Variants in LRP1B observed in about 807,000 individuals in gnomAD.
LRP1B encodes LDL receptor related protein 1B, also known as low-density lipoprotein receptor-related protein 1B.
LRP1B carries 217 observed loss-of-function variants against 556.6 expected under a neutral mutation model. The ratio of observed to expected loss-of-function variants is 0.39; its 90% CI spans 0.35 to 0.44. The LOEUF (loss-of-function observed/expected upper bound fraction) is 0.44, where lower values mean the gene tolerates loss of function less well. LRP1B is among the 20% of genes least tolerant of loss of function. The pLI is 1.00. For synonymous variants in LRP1B, 2,047 were observed against 1,865.8 expected (o/e 1.10, Z -2.50); for missense variants, 5,053 against 5,620.8 (o/e 0.90, Z 3.23).
intron 56 of LRP1B, among the ~76,000 whole-genome samples, chr2:140,493,943 G>A (rs1268280541): frequency 6.6e-6 from 1 of 151,984 alleles, no homozygotes; most frequent in Non-Finnish European, 1.5e-5. Flanking sequence ...ACACAGAATT[G>A]GCTCTCGAGT....
At chr2:140,428,197 G>A (rs1476674589) in intron 66 of LRP1B, among the ~76,000 whole-genome samples, 1 of 152,030 alleles carries the variant, frequency 6.6e-6, no homozygotes, top group African/African-American at 2.4e-5. Context: ...ATTAAATTCT[G>A]GCCCTCAAAC....
chr2:140,999,412 G>C (rs927615453), intron 15 of LRP1B, among the ~76,000 whole-genome samples: 1 of 151,944 alleles, frequency 6.6e-6, no homozygotes, highest in Non-Finnish European at 1.5e-5. Flanking sequence ...ATATTAGAAA[G>C]AGACCAACAG....
chr2:141,913,371 G>A (rs796751766), intron 1 of LRP1B, among the ~76,000 whole-genome samples: 2 of 152,198 alleles, frequency 1.3e-5, no homozygotes, highest in African/African-American at 4.8e-5. Flanking sequence ...TAACATAAAT[G>A]AATGTATGTA....
chr2:140,517,984 C>G (rs763155354), intron 49 of LRP1B, among the ~76,000 whole-genome samples: 20 of 152,200 alleles, frequency 1.3e-4, no homozygotes, highest in Non-Finnish European at 2.2e-4. Context: ...GCTGGGATTA[C>G]AGGTGTGAGC....
intron 60 of LRP1B, among the ~76,000 whole-genome samples, chr2:140,461,179 T>C (rs1687303181): frequency 6.6e-6 from 1 of 152,152 alleles, no homozygotes; most frequent in Non-Finnish European, 1.5e-5. Context: ...TACAATACTC[T>C]TGATTATTCA....
At position 141,492,091 on chromosome 2, in the gene LRP1B, A is replaced by AAAAAAAAAAAAAAC. The variant is rs67960557; in HGVS notation, c.206-11559_206-11558insGTTTTTTTTTTTTT. On this transcript the variant is annotated intron_variant, in intron 2 of 90. Coordinates refer to ENST00000389484, the MANE Select transcript of LRP1B (RefSeq NM_018557.3). ...TATTTAGCTTTCTGAAAAAAAAAAA[A>AAAAAAAAAAAAAAC]CACTAAGAAAACCAACATTTGATGA... 6.9e-3 allele frequency among the ~76,000 whole-genome samples: 688 copies of AAAAAAAAAAAAAAC among 100,128 alleles called. 73 individuals carry two copies. Among genetic ancestry groups the AAAAAAAAAAAAAAC allele is most frequent in the African/African-American group, 0.016 (418 of 25,854 alleles). The allele number at this position is 100,128 out of a possible 152,430, so 65.7% of individuals were successfully genotyped here.
At chr2:141,644,539 A>G (rs1490431023) in intron 2 of LRP1B, among the ~76,000 whole-genome samples, 2 of 152,138 alleles carry the variant, frequency 1.3e-5, no homozygotes, top group Non-Finnish European at 2.9e-5. Context: ...TTTCTTAACA[A>G]CATGACTAGT....
intron 2 of LRP1B, among the ~76,000 whole-genome samples, chr2:141,500,123 C>T (rs1574017395): frequency 1.3e-5 from 2 of 152,186 alleles, no homozygotes; most frequent in Admixed American, 6.6e-5. Flanking sequence ...TTACTGAAGA[C>T]AGTGCATCAC....
intron 41 of LRP1B, among the ~76,000 whole-genome samples, chr2:140,626,134 A>T (rs990623850): frequency 1.9e-4 from 29 of 152,240 alleles, no homozygotes; most frequent in African/African-American, 6.8e-4. Context: ...TAAAGGCTGC[A>T]TACTATTTGA....
At chr2:141,709,355 TAAAAG>T (rs1273294099) in intron 2 of LRP1B, among the ~76,000 whole-genome samples, 2 of 146,252 alleles carry the variant, frequency 1.4e-5, no homozygotes, top group African/African-American at 2.6e-5. Flanking sequence ...TCTCAAAAAA[TAAAAG>T]AAAATAAATA....
At chr2:141,397,856 T>C (rs957295379) in intron 3 of LRP1B, among the ~76,000 whole-genome samples, 2 of 151,114 alleles carry the variant, frequency 1.3e-5, no homozygotes, top group East Asian at 1.9e-4. Flanking sequence ...ATTTTATATA[T>C]ATACATTTAT....
intron 43 of LRP1B, among the ~76,000 whole-genome samples, chr2:140,592,085 T>C (rs1261173455): frequency 2.0e-5 from 3 of 152,198 alleles, no homozygotes; most frequent in Admixed American, 6.6e-5. Context: ...TACTGGGACA[T>C]GTATCATTCA....
At chr2:140,734,360 A>C (rs537302095) in intron 35 of LRP1B, among the ~76,000 whole-genome samples, 11 of 152,202 alleles carry the variant, frequency 7.2e-5, no homozygotes, top group Admixed American at 3.3e-4. Flanking sequence ...TGGCACAAGG[A>C]ATTATGCTGT....
At chr2:141,068,261 G>T (rs567138667) in intron 7 of LRP1B, among the ~76,000 whole-genome samples, 1 of 152,098 alleles carries the variant, frequency 6.6e-6, no homozygotes, top group South Asian at 2.1e-4. Context: ...ATACAAGTGG[G>T]TTTAGGAGTG....
At chr2:141,273,952 CATAAATGG>C (rs1435175541) in intron 3 of LRP1B, among the ~76,000 whole-genome samples, 3 of 152,194 alleles carry the variant, frequency 2.0e-5, no homozygotes, top group Non-Finnish European at 4.4e-5. Flanking sequence ...CCAATAAACA[CATAAATGG>C]ATATTCAACG....
intron 31 of LRP1B, among the ~76,000 whole-genome samples, chr2:140,827,976 C>T (rs1425426896): frequency 3.5e-5 from 2 of 57,224 alleles, no homozygotes; most frequent in African/African-American, 7.5e-5. Flanking sequence ...AGTTAAATTA[C>T]TGAAAGAAAA....
At position 141,261,467 on chromosome 2, in the gene LRP1B, G is replaced by A. The variant is rs549460149; in HGVS notation, c.344-6826C>T. Among the ~76,000 whole-genome samples, 531 of 152,200 alleles carry A rather than the reference G, an allele frequency of 3.5e-3. 6 individuals are homozygous for A. The highest frequency in any genetic ancestry group is 5.9e-3 in the Non-Finnish European group (398 of 68,016). On this transcript the variant is annotated intron_variant, in intron 3 of 90. Coordinates refer to ENST00000389484, the MANE Select transcript of LRP1B (RefSeq NM_018557.3). ...TAACCAATACCATTCATAAGATACA[G>A]AACAGGATCATTACCCCAAAATACC...
intron 1 of LRP1B, among the ~76,000 whole-genome samples, chr2:142,012,315 A>G (rs955529414): frequency 2.0e-5 from 3 of 152,106 alleles, no homozygotes; most frequent in Non-Finnish European, 2.9e-5. Flanking sequence ...AAATCAAATT[A>G]ATTTTTAGTT....
chr2:140,352,672 C>T (rs1682025883), intron 76 of LRP1B, among the ~76,000 whole-genome samples: 2 of 152,092 alleles, frequency 1.3e-5, no homozygotes, highest in South Asian at 4.1e-4. Context: ...ACTTCACATT[C>T]TATCACACTG....
Sources: gnomAD v4.1 joint callset for allele counts (sites outside exome capture counted in the v4.1 genomes callset) on GRCh38, gnomAD v4.1.1 for gene constraint, MANE v1.5 for transcripts, NCBI Gene and HGNC (gene_info 2026-07-23, HGNC 2026-07-21) for gene names.